CAMKMT: variants seen among roughly 807,000 people sequenced by gnomAD.
CAMKMT encodes the protein calmodulin-lysine N-methyltransferase.
Under a neutral mutation model 48.0 loss-of-function variants are expected in CAMKMT, and 53 were observed. The ratio of observed to expected loss-of-function variants is 1.10; its 90% CI spans 0.89 to 1.39. The LOEUF (loss-of-function observed/expected upper bound fraction) is 1.39, where lower values mean the gene tolerates loss of function less well. CAMKMT is among the 40% of genes most tolerant of loss of function. The probability of loss-of-function intolerance (pLI) is 0.00; values close to 1 mark genes in which losing one functional copy is unlikely to be tolerated. For missense variants in CAMKMT, 428 were observed against 402.7 expected (o/e 1.06, Z -0.54); for synonymous variants, 165 against 152.3 (o/e 1.08, Z -0.61).
intron 7 of CAMKMT, among the ~76,000 whole-genome samples, chr2:44,733,812 C>T (rs575139663): frequency 2.0e-5 from 3 of 152,104 alleles, no homozygotes; most frequent in East Asian, 3.9e-4. Context: ...TGATGCATTG[C>T]CATATGTATG....
intron 3 of CAMKMT, among the ~76,000 whole-genome samples, chr2:44,597,522 A>G (rs1208962078): frequency 6.6e-6 from 1 of 152,212 alleles, no homozygotes; most frequent in African/African-American, 2.4e-5. Flanking sequence ...TATGCATATT[A>G]TAATCCCTTT....
chr2:44,761,734 A>G (rs1162022667), intron 9 of CAMKMT, among the ~76,000 whole-genome samples: 1 of 152,186 alleles, frequency 6.6e-6, no homozygotes, highest in East Asian at 1.9e-4. Flanking sequence ...TTCGAAAGTG[A>G]CAGATACGGA....
At chr2:44,648,156 T>C (rs4953128) in intron 3 of CAMKMT, among the ~76,000 whole-genome samples, 90,726 of 151,830 alleles carry the variant, frequency 0.6, 27,995 homozygotes, top group Admixed American at 0.68. Flanking sequence ...TAGAACATTA[T>C]GTATAGTATA....
intron 3 of CAMKMT, among the ~76,000 whole-genome samples, chr2:44,446,825 TTC>T (rs1409754704): frequency 6.6e-6 from 1 of 152,248 alleles, no homozygotes; most frequent in African/African-American, 2.4e-5. Flanking sequence ...GAAGTTTATC[TTC>T]TGTCATTCCT....
intron 3 of CAMKMT, among the ~76,000 whole-genome samples, chr2:44,538,958 CTGTGTGTGTGTGTGTGTGTGTGTGTGTG>C (rs57970764): frequency 7.1e-6 from 1 of 140,134 alleles, no homozygotes; most frequent in Non-Finnish European, 1.5e-5. Context: ...GTGTGTGTGT[CTGTGTGTGTGTGTGTGTGTGTGTGTGTG>C]TGTGTGTGTG....
chr2:44,396,481 G>A lies in CAMKMT; in HGVS notation c.376+6176G>A, dbSNP rs113703020. ...GAAGAGGTATTTCACAAGAGAAATA[G>A]CAATGTTCTGTATGTACATCAAATG... On this transcript the variant is annotated intron_variant, in intron 3 of 10. Transcript: ENST00000378494. Among the ~76,000 whole-genome samples, 269 of 152,232 alleles carry A rather than the reference G, an allele frequency of 1.8e-3. No homozygotes were observed. In the Middle Eastern group the frequency reaches 0.027, roughly 15 times the overall value.
At chr2:44,576,710 G>A (rs1317271056) in intron 3 of CAMKMT, among the ~76,000 whole-genome samples, 4 of 152,202 alleles carry the variant, frequency 2.6e-5, no homozygotes, top group Non-Finnish European at 4.4e-5. Flanking sequence ...GGCATGTTAG[G>A]ATTAGTGAGA....
At chr2:44,503,748 G>A (rs1453812823) in intron 3 of CAMKMT, among the ~76,000 whole-genome samples, 1 of 152,132 alleles carries the variant, frequency 6.6e-6, no homozygotes, top group Non-Finnish European at 1.5e-5. Context: ...TTAGACTGCT[G>A]TGACAAAATA....
chr2:44,546,660 A>C (rs1351338262), intron 3 of CAMKMT, among the ~76,000 whole-genome samples: 1 of 152,248 alleles, frequency 6.6e-6, no homozygotes, highest in Non-Finnish European at 1.5e-5. Flanking sequence ...GCCCCTGGGC[A>C]GCTGTCAGAA....
At chr2:44,477,898 A>G (rs1668769498) in intron 3 of CAMKMT, among the ~76,000 whole-genome samples, 1 of 152,202 alleles carries the variant, frequency 6.6e-6, no homozygotes, top group South Asian at 2.1e-4. Flanking sequence ...GGAATTAACA[A>G]AGCTACTTCA....
chr2:44,443,673 C>T (rs1487242123), intron 3 of CAMKMT, among the ~76,000 whole-genome samples: 1 of 152,148 alleles, frequency 6.6e-6, no homozygotes, highest in Non-Finnish European at 1.5e-5. Flanking sequence ...TCATGCAGGG[C>T]TGGCTGGCTG....
chr2:44,521,763 G>C (rs886800377), intron 3 of CAMKMT, among the ~76,000 whole-genome samples: 1 of 152,152 alleles, frequency 6.6e-6, no homozygotes, highest in African/African-American at 2.4e-5. Context: ...ACTGAGATGG[G>C]AGTATCCCTT....
intron 3 of CAMKMT, among the ~76,000 whole-genome samples, chr2:44,521,565 C>T (rs560192220): frequency 6.6e-6 from 1 of 152,240 alleles, no homozygotes; most frequent in East Asian, 1.9e-4. Context: ...AGGCCTGAGC[C>T]ATCACGCCCG....
At chr2:44,443,801 G>C (rs1019613037) in intron 3 of CAMKMT, among the ~76,000 whole-genome samples, 1 of 152,160 alleles carries the variant, frequency 6.6e-6, no homozygotes, top group South Asian at 2.1e-4. Context: ...GTGCAGCTCT[G>C]CGAAGGGAGT....
chr2:44,511,344 A>G (rs1383485753), intron 3 of CAMKMT, among the ~76,000 whole-genome samples: 1 of 152,178 alleles, frequency 6.6e-6, no homozygotes, highest in African/African-American at 2.4e-5. Flanking sequence ...GCTGGCGTAC[A>G]ATGGCGCCAT....
rs561096833 is a variant in CAMKMT at position 44,509,959 on chromosome 2, A to G, written c.376+119654A>G. Reference sequence around the variant, plus strand: ...AATAAACCTTTTTTCTTTGTAAATTACCCAGGCTCAGGTATTCTGTTATAG... The same window carrying G: ...AATAAACCTTTTTTCTTTGTAAATTGCCCAGGCTCAGGTATTCTGTTATAG... On this transcript the variant is annotated intron_variant, in intron 3 of 10. Transcript: ENST00000378494. Among the ~76,000 whole-genome samples the G allele has an allele frequency of 6.6e-5, 10 of 152,280 alleles. No homozygotes were observed. The South Asian group carries it at 2.1e-3, about 32-fold the overall frequency.
intron 3 of CAMKMT, among the ~76,000 whole-genome samples, chr2:44,472,147 T>G (rs1250702379): frequency 6.6e-6 from 1 of 152,156 alleles, no homozygotes; most frequent in African/African-American, 2.4e-5. Context: ...CTCGGCTAAC[T>G]GCAAGCTCCG....
intron 3 of CAMKMT, among the ~76,000 whole-genome samples, chr2:44,694,005 G>T (rs1402725740): frequency 6.6e-6 from 1 of 152,226 alleles, no homozygotes; most frequent in Admixed American, 6.5e-5. Flanking sequence ...TATGTCTGCT[G>T]TGAGAGCTAG....
intron 3 of CAMKMT, among the ~76,000 whole-genome samples, chr2:44,410,244 T>TAC: frequency 9.1e-5 from 1 of 10,996 alleles, no homozygotes; most frequent in African/African-American, 1.0e-3. Flanking sequence ...TATATATATA[T>TAC]ATATTTTTTT....
Sources: allele counts gnomAD v4.1 joint callset (sites outside exome capture counted in the v4.1 genomes callset), GRCh38; gene constraint gnomAD v4.1.1; transcripts MANE v1.5; gene names NCBI Gene and HGNC (gene_info 2026-07-23, HGNC 2026-07-21).